B3GLCT: variants seen among roughly 807,000 people sequenced by gnomAD.
B3GLCT encodes the protein beta 3-glucosyltransferase.
In B3GLCT, 65 loss-of-function variants were observed where a neutral mutation model predicts 63.4. That is an observed-to-expected ratio of 1.03 (90% CI 0.84 to 1.26). The LOEUF (loss-of-function observed/expected upper bound fraction) is 1.26, where lower values mean the gene tolerates loss of function less well. Ranked by LOEUF, B3GLCT falls within the 50% of genes most tolerant of loss-of-function variation. The pLI, the probability that B3GLCT is intolerant of heterozygous loss-of-function variation, is 0.00. For missense variants in B3GLCT, 577 were observed against 604.8 expected, an observed-to-expected ratio of 0.95 and a Z score of 0.48; for synonymous variants, 233 against 219.2, an observed-to-expected ratio of 1.06 and a Z score of -0.55.
At chr13:31,221,738 G>C (rs186917905) in intron 2 of B3GLCT, among the ~76,000 whole-genome samples, 1 of 152,302 alleles carries the variant, frequency 6.6e-6, no homozygotes, top group East Asian at 1.9e-4. Flanking sequence ...CTTTTAAGCC[G>C]CTCCCAATTT....
At chr13:31,213,953 CT>C (rs1869424365) in intron 1 of B3GLCT, among the ~76,000 whole-genome samples, 1 of 151,978 alleles carries the variant, frequency 6.6e-6, no homozygotes, top group African/African-American at 2.4e-5. Flanking sequence ...TAGTCATTTG[CT>C]TCTTAGTGTG....
Position 31,229,298 on chromosome 13 carries a change from C to A in B3GLCT, c.270+4C>A. The A allele has an allele frequency of 1.3e-6, 2 of 1,541,970 alleles. No individual in the cohort carries two copies. The highest frequency in any genetic ancestry group is 1.8e-6 in the Non-Finnish European group (2 of 1,114,054). On this transcript the variant is annotated splice_donor_region_variant and intron_variant, in intron 4 of 14. Transcript: ENST00000343307. ...GCAGGCTGCAGATCTTACACAGGTA[C>A]GTAGCGATGGCTGGGGGGTCTGCCA...
chr13:31,253,595 CAAA>C (rs35512327), intron 6 of B3GLCT, among the ~76,000 whole-genome samples: 311 of 18,390 alleles, frequency 0.017, 5 homozygotes, highest in African/African-American at 0.093. Context: ...GACTCCATCT[CAAA>C]AAAAAAAAAA....
At chr13:31,229,524 T>C (rs558910549) in intron 4 of B3GLCT, among the ~76,000 whole-genome samples, 7 of 152,286 alleles carry the variant, frequency 4.6e-5, no homozygotes, top group African/African-American at 1.7e-4. Flanking sequence ...GGTGGGCGGA[T>C]CCCTTGACGT....
intron 1 of B3GLCT, among the ~76,000 whole-genome samples, chr13:31,212,284 T>G (rs889762241): frequency 5.2e-4 from 77 of 148,364 alleles, no homozygotes; most frequent in Admixed American, 1.7e-3. Context: ...TTTTTTTTTT[T>G]TTTTTTTTAA....
chr13:31,268,908 G>A (rs1003795672), intron 7 of B3GLCT, among the ~76,000 whole-genome samples: 1 of 152,052 alleles, frequency 6.6e-6, no homozygotes, highest in African/African-American at 2.4e-5. Context: ...TCATTATTTA[G>A]TGTAAAGATG....
rs576214559 is a variant in B3GLCT, at chr13:31,200,938, C to T, written c.70+784C>T. Among the ~76,000 whole-genome samples the T allele has an allele frequency of 1.1e-3, 161 of 152,100 alleles. 1 individual carries two copies. Among genetic ancestry groups the T allele is most frequent in the African/African-American group, 3.6e-3 (149 of 41,498 alleles). On this transcript the variant is annotated intron_variant, in intron 1 of 14. Coordinates refer to ENST00000343307, the MANE Select transcript of B3GLCT (RefSeq NM_194318.4). ...GCCCGGTCTCCTGCTGCTGTAATGC[C>T]CATTCTTTTTTATTTCTTTTCTCCT...
intron 6 of B3GLCT, among the ~76,000 whole-genome samples, chr13:31,259,718 G>C (rs755904165): frequency 6.6e-6 from 1 of 151,856 alleles, no homozygotes; most frequent in African/African-American, 2.4e-5. Flanking sequence ...GCTATCTGCA[G>C]CTCCAGGAAT....
intron 6 of B3GLCT, among the ~76,000 whole-genome samples, chr13:31,252,903 A>T (rs968786573): frequency 2.0e-5 from 3 of 152,244 alleles, no homozygotes; most frequent in Non-Finnish European, 4.4e-5. Context: ...AATCAACAGA[A>T]TATACATTCT....
At chr13:31,293,844 T>C (rs560937289) in intron 12 of B3GLCT, among the ~76,000 whole-genome samples, 1 of 152,346 alleles carries the variant, frequency 6.6e-6, no homozygotes, top group East Asian at 1.9e-4. Context: ...TTTGATTCTG[T>C]CATTATGATG....
chr13:31,294,216 G>A (rs889796171), intron 12 of B3GLCT, among the ~76,000 whole-genome samples: 6 of 152,148 alleles, frequency 3.9e-5, no homozygotes, highest in Non-Finnish European at 8.8e-5. Flanking sequence ...TGGGTGACCC[G>A]ACGTTTCTCT....
intron 12 of B3GLCT, among the ~76,000 whole-genome samples, chr13:31,287,934 A>G (rs557268605): frequency 6.6e-6 from 1 of 152,376 alleles, no homozygotes; most frequent in South Asian, 2.1e-4. Context: ...ACATTGCAAT[A>G]ATAACTATCC....
chr13:31,219,768 G>A (rs1869732171), intron 2 of B3GLCT, among the ~76,000 whole-genome samples: 2 of 152,266 alleles, frequency 1.3e-5, no homozygotes, highest in East Asian at 1.9e-4. Flanking sequence ...ATTCCTATAA[G>A]CAGCCTTTTA....
rs142249903 is a variant in B3GLCT at position 31,292,727 on chromosome 13, G to A, written c.1064+5908G>A. Among the ~76,000 whole-genome samples the A allele has an allele frequency of 3.2e-3, 484 of 149,160 alleles. 2 individuals carry two copies. Among genetic ancestry groups the A allele is most frequent in the Non-Finnish European group, 5.4e-3 (364 of 67,286 alleles). ...TTTTTTTTCTTTATTAGTCTAGCTA[G>A]CAGTCAATTTTGTTAATCTTTTCAA... On this transcript the variant is annotated intron_variant, in intron 12 of 14. Coordinates refer to ENST00000343307, the MANE Select transcript of B3GLCT (RefSeq NM_194318.4).
intron 1 of B3GLCT, among the ~76,000 whole-genome samples, chr13:31,201,133 A>C (rs1315329307): frequency 2.0e-5 from 3 of 152,082 alleles, no homozygotes; most frequent in Non-Finnish European, 4.4e-5. Flanking sequence ...TCTAACCCAG[A>C]CTTGCTGGTG....
chr13:31,211,267 T>C (rs9529146), intron 1 of B3GLCT, among the ~76,000 whole-genome samples: 106,113 of 151,906 alleles, frequency 0.7, 37,716 homozygotes, highest in Non-Finnish European at 0.77. Context: ...TGGTGGCACG[T>C]GCCTGTAACC....
At chr13:31,204,257 G>A (rs548318654) in intron 1 of B3GLCT, among the ~76,000 whole-genome samples, 12 of 152,254 alleles carry the variant, frequency 7.9e-5, no homozygotes, top group African/African-American at 2.2e-4. Context: ...GATACTTTTT[G>A]GTTATCCCAG....
intron 6 of B3GLCT, among the ~76,000 whole-genome samples, chr13:31,258,330 C>G (rs1467108799): frequency 2.6e-5 from 4 of 152,186 alleles, no homozygotes; most frequent in African/African-American, 9.7e-5. Flanking sequence ...TATTAAAAAC[C>G]TAAGACTTGA....
In B3GLCT at chr13:31,287,309, C is replaced by T. The variant is rs573199362; in HGVS notation, c.1064+490C>T. Among the ~76,000 whole-genome samples, 9 of 152,220 alleles carry T rather than the reference C, an allele frequency of 5.9e-5. No homozygotes were observed. In the South Asian group the frequency reaches 1.5e-3, roughly 25 times the overall value. ...AGTGCATATGTGTGAGGAAACTACC[C>T]GATGCTGGGGAAAGACCCAACCAGA... is the stretch of plus-strand genomic sequence containing the variant. On this transcript the variant is annotated intron_variant, in intron 12 of 14. Transcript: ENST00000343307.
Sources: allele counts gnomAD v4.1 joint callset (sites outside exome capture counted in the v4.1 genomes callset), GRCh38; gene constraint gnomAD v4.1.1; transcripts MANE v1.5; gene names NCBI Gene and HGNC (gene_info 2026-07-23, HGNC 2026-07-21).